SNTG1: variants seen among roughly 807,000 people sequenced by gnomAD.
The protein encoded by SNTG1 is gamma-1-syntrophin.
In SNTG1, 39 loss-of-function variants were observed where a neutral mutation model predicts 74.7. That is an observed-to-expected ratio of 0.52 (90% CI 0.40 to 0.68). SNTG1 has a LOEUF of 0.68. SNTG1 is among the 30% of genes least tolerant of loss of function. SNTG1 has a pLI of 0.00. For missense variants in SNTG1, 685 were observed against 609.5 expected (o/e 1.12, Z -1.30); for synonymous variants, 254 against 217.1 (o/e 1.17, Z -1.49).
At chr8:50,304,502 G>T (rs1255803836) in intron 2 of SNTG1, among the ~76,000 whole-genome samples, 1 of 151,938 alleles carries the variant, frequency 6.6e-6, no homozygotes, top group African/African-American at 2.4e-5. Flanking sequence ...TAGTTAAATA[G>T]ACTGACACAT....
Position 50,401,664 on chromosome 8 carries a change from T to A in SNTG1, c.28-546T>A, listed in dbSNP as rs116829123. On this transcript the variant is annotated intron_variant, in intron 3 of 18. Coordinates refer to ENST00000642720, the MANE Select transcript of SNTG1 (RefSeq NM_018967.5). The stretch of plus-strand genomic sequence containing the variant: ...GTGTATGCATGCATGCATGTGTTTG[T>A]TGGTGACTAGGAATGCTGACATAGT... Among the ~76,000 whole-genome samples the A allele has an allele frequency of 9.1e-3, 1,378 of 152,184 alleles. 27 individuals are homozygous for A. Among genetic ancestry groups the A allele is most frequent in the African/African-American group, 0.031 (1,306 of 41,516 alleles).
chr8:50,057,283 C>T (rs1820105022), intron 1 of SNTG1, among the ~76,000 whole-genome samples: 1 of 152,144 alleles, frequency 6.6e-6, no homozygotes, highest in South Asian at 2.1e-4. Context: ...TGCAGCTGCA[C>T]AGGTAACTTA....
intron 2 of SNTG1, among the ~76,000 whole-genome samples, chr8:50,191,297 C>CT (rs772407415): frequency 1.3e-5 from 2 of 151,950 alleles, no homozygotes; most frequent in East Asian, 1.9e-4. Flanking sequence ...ATATTTTATC[C>CT]TTTTTTTGGT....
chr8:50,294,546 G>A (rs1048236508), intron 2 of SNTG1, among the ~76,000 whole-genome samples: 4 of 152,134 alleles, frequency 2.6e-5, no homozygotes, highest in Admixed American at 6.6e-5. Flanking sequence ...AAGGTTGCAT[G>A]CTGGCAGAAT....
intron 4 of SNTG1, among the ~76,000 whole-genome samples, chr8:50,414,110 C>G (rs1303188025): frequency 1.3e-5 from 2 of 152,074 alleles, no homozygotes; most frequent in Non-Finnish European, 2.9e-5. Context: ...ATTCCATTTC[C>G]TCCTGGGATT....
Position 50,229,667 on chromosome 8 carries a change from A to G in SNTG1, c.-28+57032A>G, listed in dbSNP as rs942134483. On this transcript the variant is annotated intron_variant, in intron 2 of 18. Transcript: ENST00000642720. ...TGAGACTTTATCACCCTTTTTTTTA[A>G]GTAACATTGATTAAGCAGGCAAAAA... 2.0e-4 allele frequency among the ~76,000 whole-genome samples: 30 copies of G among 151,426 alleles called. No individual in the cohort carries two copies. The South Asian group carries it at 3.3e-3, about 17-fold the overall frequency.
At chr8:49,920,824 G>T (rs1806469941) in intron 1 of SNTG1, among the ~76,000 whole-genome samples, 1 of 152,100 alleles carries the variant, frequency 6.6e-6, no homozygotes, top group South Asian at 2.1e-4. Flanking sequence ...ACCTAATTGG[G>T]TGAAGGTTAG....
chr8:49,923,641 A>G (rs976874130), intron 1 of SNTG1, among the ~76,000 whole-genome samples: 12 of 152,098 alleles, frequency 7.9e-5, no homozygotes, highest in Non-Finnish European at 1.5e-5. Context: ...TCAATCTCAG[A>G]CTATATTATA....
chr8:50,622,310 C>T (rs965464134), intron 13 of SNTG1, among the ~76,000 whole-genome samples: 1 of 152,140 alleles, frequency 6.6e-6, no homozygotes, highest in African/African-American at 2.4e-5. Flanking sequence ...AAATAGTGTT[C>T]CATAAATGAT....
intron 5 of SNTG1, among the ~76,000 whole-genome samples, chr8:50,441,778 C>T (rs775444410): frequency 2.0e-5 from 3 of 152,138 alleles, no homozygotes; most frequent in Non-Finnish European, 4.4e-5. Flanking sequence ...TCCAAAAATG[C>T]TAGACACTCA....
At chr8:50,517,596 T>C (rs1461902514) in intron 9 of SNTG1, among the ~76,000 whole-genome samples, 1 of 136,408 alleles carries the variant, frequency 7.3e-6, no homozygotes, top group Admixed American at 7.6e-5. Context: ...TTGAGGAATA[T>C]TTACCAAGCA....
At chr8:50,709,865 C>T (rs1202404199) in intron 17 of SNTG1, among the ~76,000 whole-genome samples, 1 of 152,254 alleles carries the variant, frequency 6.6e-6, no homozygotes, top group African/African-American at 2.4e-5. Flanking sequence ...TTCCTTCTCA[C>T]TAATTTTAAG....
At chr8:49,975,528 T>C (rs1812111076) in intron 1 of SNTG1, among the ~76,000 whole-genome samples, 1 of 152,092 alleles carries the variant, frequency 6.6e-6, no homozygotes. Flanking sequence ...CACAATCTGA[T>C]AATTTTTTTT....
chr8:50,039,296 A>C (rs920409303), intron 1 of SNTG1, among the ~76,000 whole-genome samples: 1 of 151,998 alleles, frequency 6.6e-6, no homozygotes, highest in Non-Finnish European at 1.5e-5. Context: ...TCTACTAAAA[A>C]TGCAAAAAAG....
intron 8 of SNTG1, among the ~76,000 whole-genome samples, chr8:50,452,813 T>G (rs563501337): frequency 7.9e-4 from 120 of 152,208 alleles, no homozygotes; most frequent in Non-Finnish European, 1.6e-3. Context: ...TTGTCCTCAC[T>G]GCTTATTAGC....
chr8:50,703,223 A>G (rs2095432139), intron 15 of SNTG1, among the ~76,000 whole-genome samples: 2 of 152,200 alleles, frequency 1.3e-5, no homozygotes, highest in Admixed American at 1.3e-4. Context: ...TTAGCTTAAA[A>G]CACAAACACA....
At chr8:50,386,831 C>T (rs2092582587) in intron 2 of SNTG1, among the ~76,000 whole-genome samples, 1 of 152,112 alleles carries the variant, frequency 6.6e-6, no homozygotes, top group Admixed American at 6.6e-5. Flanking sequence ...CACAAACACT[C>T]TCCACCGGGC....
At chr8:50,249,113 A>T (rs1288213207) in intron 2 of SNTG1, among the ~76,000 whole-genome samples, 1 of 152,110 alleles carries the variant, frequency 6.6e-6, no homozygotes, top group Non-Finnish European at 1.5e-5. Context: ...AGGAAAATAC[A>T]AGCTGGAGAC....
intron 9 of SNTG1, among the ~76,000 whole-genome samples, chr8:50,507,996 C>T (rs973979248): frequency 7.9e-5 from 12 of 151,820 alleles, no homozygotes; most frequent in African/African-American, 2.7e-4. Flanking sequence ...TATACATGTG[C>T]CATGTTGGTA....
Sources: gnomAD v4.1 joint callset for allele counts (sites outside exome capture counted in the v4.1 genomes callset) on GRCh38, gnomAD v4.1.1 for gene constraint, MANE v1.5 for transcripts, NCBI Gene and HGNC (gene_info 2026-07-23, HGNC 2026-07-21) for gene names.